Variants in POLA1 observed in about 807,000 individuals in gnomAD.
POLA1 encodes the protein DNA polymerase alpha 1, catalytic subunit, also known as DNA polymerase alpha catalytic subunit.
In POLA1, 15 loss-of-function variants were observed where a neutral mutation model predicts 124.0. The ratio of observed to expected loss-of-function variants is 0.12; its 90% CI spans 0.08 to 0.19. POLA1 has a LOEUF of 0.19. POLA1 is among the 10% of genes least tolerant of loss of function. The pLI is 1.00. For synonymous variants in POLA1, 408 were observed against 389.4 expected, an observed-to-expected ratio of 1.05 and a Z score of -0.56; for missense variants, 886 against 1,103.4, an observed-to-expected ratio of 0.80 and a Z score of 2.79.
At chrX:24,819,713 G>A (rs368095846) in intron 30 of POLA1, among the ~76,000 whole-genome samples, 1 of 110,859 alleles carries the variant, frequency 9.0e-6, no homozygotes, top group African/African-American at 3.3e-5. Context: ...AGGTACACAT[G>A]TGCCATGGTG....
At chrX:24,831,739 C>T (rs762067527) in intron 32 of POLA1, among the ~76,000 whole-genome samples, 2 of 112,544 alleles carry the variant, frequency 1.8e-5, no homozygotes. Context: ...TAAATATTTT[C>T]TATAACATAA....
chrX:24,953,032 A>G (rs750512581), intron 36 of POLA1, among the ~76,000 whole-genome samples: 1 of 112,410 alleles, frequency 8.9e-6, no homozygotes, highest in East Asian at 2.8e-4. Context: ...ACATGTAGTC[A>G]TGCTAATCTT....
Position 24,863,263 on chromosome X carries a change from C to CT in POLA1, c.4047+19586_4047+19587insT, listed in dbSNP as rs751066981. On this transcript the variant is annotated intron_variant, in intron 34 of 36. Transcript: ENST00000379068. ...TTCATTGAAGGGAAGAGTATGCCCC[C>CT]CCCCATCTTCCACCCTCTTTTCAAA... 9.3e-5 allele frequency among the ~76,000 whole-genome samples: 10 copies of CT among 107,284 alleles called. No individual in the cohort carries two copies. The South Asian group carries it at 4.3e-3, about 46-fold the overall frequency. The allele number at this position is 107,284 out of a possible 115,157, so 93.2% of individuals were successfully genotyped here. A position where few individuals can be genotyped will look rare whatever the true frequency, so the allele number is the denominator to read the frequency against.
At chrX:24,867,970 TA>T (rs1377609830) in intron 34 of POLA1, among the ~76,000 whole-genome samples, 1 of 112,123 alleles carries the variant, frequency 8.9e-6, no homozygotes, top group Non-Finnish European at 1.9e-5. Flanking sequence ...ACTTCTAGTG[TA>T]AAAATCTGCC....
intron 1 of POLA1, 111 bp downstream of exon 1, chrX:24,694,115 G>C: frequency 1.3e-6 from 1 of 781,436 alleles, no homozygotes; most frequent in South Asian, 2.8e-5. Context: ...GCAGACCTTG[G>C]TCGTCCCCGG....
chrX:24,950,023 C>T (rs755576610), intron 36 of POLA1, among the ~76,000 whole-genome samples: 13 of 112,024 alleles, frequency 1.2e-4, no homozygotes, highest in African/African-American at 2.9e-4. Flanking sequence ...TGAGCCACCA[C>T]GCCCAGCTAC....
At chrX:24,792,113 C>CT (rs1248375568) in intron 26 of POLA1, among the ~76,000 whole-genome samples, 1 of 111,544 alleles carries the variant, frequency 9.0e-6, no homozygotes, top group Non-Finnish European at 1.9e-5. Flanking sequence ...AGGAGAAAGA[C>CT]TTTTTTTTAT....
chrX:24,881,394 T>G (rs2046999366), intron 34 of POLA1, among the ~76,000 whole-genome samples: 1 of 111,815 alleles, frequency 8.9e-6, no homozygotes, highest in African/African-American at 3.2e-5. Flanking sequence ...AGTTTTCTTA[T>G]TTGATCCCCT....
intron 26 of POLA1, 38 bp downstream of exon 26, chrX:24,749,030 G>T: frequency 9.1e-7 from 1 of 1,096,727 alleles, no homozygotes; most frequent in Non-Finnish European, 1.3e-6. Context: ...CTAGATATGA[G>T]AGTATTTTTA....
intron 32 of POLA1, among the ~76,000 whole-genome samples, chrX:24,835,199 C>G (rs1264623869): frequency 9.1e-6 from 1 of 109,898 alleles, no homozygotes; most frequent in Non-Finnish European, 1.9e-5. Flanking sequence ...AGGCATGCGC[C>G]ACCACCCCCG....
At chrX:24,848,120 A>G (rs908688115) in intron 34 of POLA1, among the ~76,000 whole-genome samples, 2 of 112,221 alleles carry the variant, frequency 1.8e-5, no homozygotes, top group African/African-American at 6.5e-5. Context: ...TTCATTGTCC[A>G]GATAGAAGAA....
chrX:24,831,164 T>C (rs1461786870), intron 32 of POLA1, among the ~76,000 whole-genome samples: 1 of 111,188 alleles, frequency 9.0e-6, no homozygotes, highest in African/African-American at 3.3e-5. Flanking sequence ...GGTTCAGTAA[T>C]ATCATCTAAG....
intron 36 of POLA1, among the ~76,000 whole-genome samples, chrX:24,968,575 T>C (rs960300795): frequency 3.7e-4 from 40 of 109,130 alleles, no homozygotes; most frequent in East Asian, 1.2e-3. Context: ...TGGTGGCGGG[T>C]GCCTGTAGTC....
At position 24,812,732 on chromosome X, in the gene POLA1, G is replaced by A. The variant is rs781545880; in HGVS notation, c.3165G>A (p.Leu1055=). 1 of 1,202,163 alleles carries A rather than the reference G, an allele frequency of 8.3e-7. No individual in the cohort carries two copies. Among genetic ancestry groups the A allele is most frequent in the East Asian group, 3.0e-5 (1 of 33,764 alleles). ...ATGGGGTTTTCAAGTCTCTGCTACTGCTGAAAAAAAAGAAGTACGCTGCTC... is the reference window on the plus strand; with the variant it reads ...ATGGGGTTTTCAAGTCTCTGCTACTACTGAAAAAAAAGAAGTACGCTGCTC... ...DIDGVFKSLL[L]LKKKKYAALV... The change falls in exon 29 of 37, where the codon CTG becomes CTA. Residue 1055 remains leucine, a synonymous_variant. Coordinates refer to ENST00000379068, the MANE Select transcript of POLA1 (RefSeq NM_001330360.2).
chrX:24,714,196 C>T (rs149411402), intron 4 of POLA1, among the ~76,000 whole-genome samples: 2,107 of 111,674 alleles, frequency 0.019, 19 homozygotes, highest in Middle Eastern at 0.033. Flanking sequence ...CTTGCTCTGT[C>T]GCCCAGGCTG....
chrX:24,741,150 CGCGT>C (rs1437740897), intron 20 of POLA1, among the ~76,000 whole-genome samples: 20 of 99,480 alleles, frequency 2.0e-4, no homozygotes, highest in Admixed American at 4.3e-4. Context: ...TGTGTGTGCG[CGCGT>C]GTGTGTGTGT....
intron 30 of POLA1, among the ~76,000 whole-genome samples, chrX:24,817,607 CAAAAAAAAAAA>C (rs1171262514): frequency 3.0e-5 from 1 of 33,481 alleles, no homozygotes; most frequent in Non-Finnish European, 6.1e-5. Context: ...GATTCCATCT[CAAAAAAAAAAA>C]AAAAAAAAGA....
intron 36 of POLA1, among the ~76,000 whole-genome samples, chrX:24,935,660 C>A (rs941051953): frequency 8.9e-6 from 1 of 112,164 alleles, no homozygotes; most frequent in Admixed American, 9.4e-5. Context: ...TTAAACTTTT[C>A]AGTCTCTTGT....
chrX:24,930,382 CT>C, intron 35 of POLA1, 70 bp from the exon 36 acceptor site: 2 of 699,209 alleles, frequency 2.9e-6, no homozygotes, highest in Non-Finnish European at 4.6e-6. Flanking sequence ...GGGATACACT[CT>C]GCTGAGAGTG....
Sources: gnomAD v4.1 joint callset for allele counts (sites outside exome capture counted in the v4.1 genomes callset) on GRCh38, gnomAD v4.1.1 for gene constraint, MANE v1.5 for transcripts, NCBI Gene and HGNC (gene_info 2026-07-23, HGNC 2026-07-21) for gene names.